MAP2: variants seen among roughly 807,000 people sequenced by gnomAD.
MAP2 encodes microtubule associated protein 2.
MAP2 carries 14 observed loss-of-function variants against 137.6 expected under a neutral mutation model. The observed-to-expected ratio is 0.10, with a 90% CI of 0.07 to 0.16. The LOEUF (loss-of-function observed/expected upper bound fraction) is 0.16, where lower values mean the gene tolerates loss of function less well. Among genes scored for constraint, MAP2 ranks in the 10% least tolerant of loss-of-function variants. MAP2 has a pLI of 1.00. For synonymous variants in MAP2, 786 were observed against 782.3 expected (o/e 1.00, Z -0.08); for missense variants, 2,088 against 2,191.5 (o/e 0.95, Z 0.94).
chr2:209,506,606 A>G (rs1472683809), intron 1 of MAP2, among the ~76,000 whole-genome samples: 1 of 152,154 alleles, frequency 6.6e-6, no homozygotes. Context: ...CTTTGGCACA[A>G]AAGTTTGTTT....
chr2:209,462,276 G>A (rs773039458), intron 1 of MAP2, among the ~76,000 whole-genome samples: 8 of 152,034 alleles, frequency 5.3e-5, no homozygotes. Context: ...AGACCTTATC[G>A]GGCAAGATCA....
rs755310702 is a variant in MAP2, at chr2:209,695,156, T to A, written c.2986T>A (p.Tyr996Asn). 1 of 1,614,132 alleles carries A rather than the reference T, an allele frequency of 6.2e-7. No individual in the cohort carries two copies. Among genetic ancestry groups the A allele is most frequent in the South Asian group, 1.1e-5 (1 of 91,082 alleles). ...AGAAACATTCGGATTAGGAGTAACCTATGAGCAAGCTTTGGCCAAAGATTT... is the reference window on the plus strand; with the variant it reads ...AGAAACATTCGGATTAGGAGTAACCAATGAGCAAGCTTTGGCCAAAGATTT... ...EIETFGLGVT[Y>N]EQALAKDLSI... is the part of the protein sequence containing the mutation. The change falls in exon 8 of 16, where the codon TAT (tyrosine) becomes AAT (asparagine). Residue 996 changes from tyrosine to asparagine, a missense_variant. By Grantham distance (143) the Tyr-to-Asn change is moderately radical. Coordinates refer to ENST00000682079, the MANE Select transcript of MAP2 (RefSeq NM_001375505.1).
chr2:209,634,685 G>T (rs544468623), intron 4 of MAP2, among the ~76,000 whole-genome samples: 1 of 152,142 alleles, frequency 6.6e-6, no homozygotes, highest in Non-Finnish European at 1.5e-5. Flanking sequence ...AGCAGTCTCT[G>T]TTATACCAAG....
intron 2 of MAP2, among the ~76,000 whole-genome samples, chr2:209,518,490 G>A (rs2062831580): frequency 6.6e-6 from 1 of 152,084 alleles, no homozygotes; most frequent in Non-Finnish European, 1.5e-5. Flanking sequence ...ACGCATAAGG[G>A]AATGAGGACT....
intron 5 of MAP2, among the ~76,000 whole-genome samples, chr2:209,660,298 A>G (rs1195089657): frequency 6.6e-6 from 1 of 151,604 alleles, no homozygotes; most frequent in African/African-American, 2.4e-5. Context: ...GCTATGTCTT[A>G]TAAAATCTGG....
At chr2:209,453,538 A>C (rs572720992) in intron 1 of MAP2, among the ~76,000 whole-genome samples, 2 of 152,298 alleles carry the variant, frequency 1.3e-5, no homozygotes, top group African/African-American at 4.8e-5. Flanking sequence ...GATTACATGT[A>C]TATATACCTA....
intron 1 of MAP2, among the ~76,000 whole-genome samples, chr2:209,424,791 G>A (rs1406639284): frequency 6.6e-6 from 1 of 152,134 alleles, no homozygotes; most frequent in African/African-American, 2.4e-5. Context: ...GCTGGGAGAG[G>A]AGGACTGATA....
In MAP2 at chr2:209,723,517, A is replaced by T. The variant is rs566481791; in HGVS notation, c.5074-2192A>T. 2.3e-4 allele frequency: 188 copies of T among 808,426 alleles called. 5 individuals carry two copies. In the South Asian group the frequency reaches 2.5e-3, roughly 11 times the overall value. 50.1% of individuals were successfully genotyped at this position (808,426 alleles called of 1,614,324 possible). A position where few individuals can be genotyped will look rare whatever the true frequency, so the allele number is the denominator to read the frequency against. On this transcript the variant is annotated intron_variant, in intron 13 of 15. Coordinates refer to ENST00000682079, the MANE Select transcript of MAP2 (RefSeq NM_001375505.1). ...TGGAAGGGAATCTAAAGCCTCTTTG[A>T]TGCTACCCATTCTGGTTCCCTTTAT...
At chr2:209,447,738 C>T (rs967615006) in intron 1 of MAP2, among the ~76,000 whole-genome samples, 5 of 151,978 alleles carry the variant, frequency 3.3e-5, no homozygotes, top group African/African-American at 1.2e-4. Flanking sequence ...AAGTTTGAGA[C>T]CTGTACTATC....
At chr2:209,484,474 C>T (rs955873811) in intron 1 of MAP2, among the ~76,000 whole-genome samples, 1 of 152,074 alleles carries the variant, frequency 6.6e-6, no homozygotes, top group Admixed American at 6.5e-5. Context: ...GGTCAATCAC[C>T]AGGTCAGCAG....
chr2:209,581,853 C>T (rs2076493484), intron 3 of MAP2, among the ~76,000 whole-genome samples: 1 of 152,110 alleles, frequency 6.6e-6, no homozygotes, highest in East Asian at 1.9e-4. Flanking sequence ...CACCAACAGG[C>T]CTCTGGCATC....
rs763598431 is a variant in MAP2, at chr2:209,692,976, T to G, written c.806T>G (p.Met269Arg). ...PKEQKDWFIE[M>R]PTEAKKDEWG... ...GAACAAAAGGACTGGTTCATCGAAA[T>G]GCCAACGGAAGCAAAAAAGGATGAG... Residue 269 changes from methionine (M) to arginine (R), a missense_variant, in exon 8 of 16, where the codon ATG becomes AGG. Physicochemically the swap from Met to Arg is moderately conservative, Grantham distance 91 (BLOSUM62 -1). Transcript: ENST00000682079. 6.2e-7 allele frequency: 1 copy of G among 1,613,924 alleles called. No individual in the cohort carries two copies. Among genetic ancestry groups the G allele is most frequent in the South Asian group, 1.1e-5 (1 of 91,050 alleles).
At chr2:209,564,595 G>T (rs1350546632) in intron 2 of MAP2, among the ~76,000 whole-genome samples, 3 of 150,724 alleles carry the variant, frequency 2.0e-5, no homozygotes, top group East Asian at 1.9e-4. Flanking sequence ...CAAAAGCCAG[G>T]GGTAGCCACA....
At chr2:209,496,211 T>A (rs1375197799) in intron 1 of MAP2, among the ~76,000 whole-genome samples, 1 of 152,186 alleles carries the variant, frequency 6.6e-6, no homozygotes, top group Non-Finnish European at 1.5e-5. Flanking sequence ...CCTGACTTTG[T>A]GCCGTATACC....
At chr2:209,570,279 T>TAGATAAAGAG (rs1460012612) in intron 2 of MAP2, among the ~76,000 whole-genome samples, 1 of 151,876 alleles carries the variant, frequency 6.6e-6, no homozygotes, top group East Asian at 1.9e-4. Flanking sequence ...GTTCTATGTT[T>TAGATAAAGAG]ATCTCTTCCT....
At chr2:209,619,589 A>T (rs2090536966) in intron 3 of MAP2, among the ~76,000 whole-genome samples, 1 of 152,090 alleles carries the variant, frequency 6.6e-6, no homozygotes, top group African/African-American at 2.4e-5. Context: ...TTGCTGCTCA[A>T]CGTTCCCTAT....
intron 4 of MAP2, among the ~76,000 whole-genome samples, chr2:209,636,848 C>T (rs1425736293): frequency 6.6e-6 from 1 of 152,024 alleles, no homozygotes; most frequent in Non-Finnish European, 1.5e-5. Flanking sequence ...ATGGAAATCA[C>T]ACAGAAAAAC....
intron 2 of MAP2, among the ~76,000 whole-genome samples, chr2:209,569,878 C>A (rs2074104970): frequency 6.6e-6 from 1 of 151,656 alleles, no homozygotes; most frequent in African/African-American, 2.4e-5. Flanking sequence ...GAGTTAATTT[C>A]AACAAGATGT....
chr2:209,513,846 T>C (rs1269452214), intron 2 of MAP2, among the ~76,000 whole-genome samples: 6 of 152,056 alleles, frequency 3.9e-5, no homozygotes, highest in Non-Finnish European at 8.8e-5. Context: ...TTGTCTGCCA[T>C]CCTCACTTCA....
Sources: gnomAD v4.1 joint callset for allele counts (sites outside exome capture counted in the v4.1 genomes callset) on GRCh38, gnomAD v4.1.1 for gene constraint, MANE v1.5 for transcripts, NCBI Gene and HGNC (gene_info 2026-07-23, HGNC 2026-07-21) for gene names.